NFAT5: variants seen among roughly 807,000 people sequenced by gnomAD.
The protein encoded by NFAT5 is nuclear factor of activated T-cells 5.
A neutral mutation model predicts 166.5 loss-of-function variants in NFAT5; 31 were observed. That is an observed-to-expected ratio of 0.19 (90% confidence interval 0.14 to 0.25). NFAT5 has a LOEUF of 0.25. NFAT5 is among the 10% of genes least tolerant of loss of function. The probability of loss-of-function intolerance (pLI) is 1.00; values close to 1 mark genes in which losing one functional copy is unlikely to be tolerated. For synonymous variants in NFAT5, 612 were observed against 639.7 expected (o/e 0.96, Z 0.65); for missense variants, 1,449 against 1,821.8 (o/e 0.80, Z 3.72).
chr16:69,644,320 T>C (rs1333730470), intron 3 of NFAT5, among the ~76,000 whole-genome samples: 1 of 152,150 alleles, frequency 6.6e-6, no homozygotes, highest in Non-Finnish European at 1.5e-5. Flanking sequence ...TAAAAAAAAT[T>C]ATTTCATTTG....
chr16:69,686,347 G>A (rs955781351), intron 11 of NFAT5, among the ~76,000 whole-genome samples: 1 of 150,792 alleles, frequency 6.6e-6, no homozygotes, highest in Admixed American at 6.6e-5. Context: ...AGCGGGACTC[G>A]GTCTCAAAAA....
chr16:69,690,629 C>A (rs1048495682), intron 11 of NFAT5: 1 of 159,786 alleles, frequency 6.3e-6, no homozygotes, highest in African/African-American at 2.4e-5. Context: ...CTATAATATA[C>A]TCTTGGTCAG....
chr16:69,606,176 C>G (rs1378078833), intron 2 of NFAT5, among the ~76,000 whole-genome samples: 1 of 152,176 alleles, frequency 6.6e-6, no homozygotes, highest in Non-Finnish European at 1.5e-5. Context: ...CTGTTCTCGT[C>G]TTTAACCTCT....
In NFAT5 at chr16:69,702,825, T is replaced by G. The variant is rs1437186865; in HGVS notation, c.*6474T>G. ...AACCTGGTTATCTATAATCTTTTAT[T>G]GGCAAAAGTTAATTCTCAGTACTGC... On this transcript the variant is annotated 3_prime_UTR_variant, in exon 15 of 15. Transcript: ENST00000349945. 6.5e-5 allele frequency: 10 copies of G among 152,672 alleles called. No homozygotes were observed. The highest frequency in any genetic ancestry group is 2.9e-5 in the Non-Finnish European group (2 of 68,036). 9.5% of individuals were successfully genotyped at this position (152,672 alleles called of 1,614,324 possible).
chr16:69,606,761 T>C (rs1483446348), intron 2 of NFAT5, among the ~76,000 whole-genome samples: 1 of 151,920 alleles, frequency 6.6e-6, no homozygotes, highest in Non-Finnish European at 1.5e-5. Flanking sequence ...GGCTGAGGCA[T>C]GAGAATTGCT....
chr16:69,700,815 A>G lies in NFAT5; in HGVS notation c.*4464A>G, dbSNP rs184020877. 1 of 152,276 alleles carries G rather than the reference A, an allele frequency of 6.6e-6. No individual in the cohort carries two copies. The highest frequency in any genetic ancestry group is 1.9e-4 in the East Asian group (1 of 5,186). 9.4% of individuals were successfully genotyped at this position (152,276 alleles called of 1,614,324 possible). A position where few individuals can be genotyped will look rare whatever the true frequency, so the allele number is the denominator to read the frequency against. ...GAATCTCATAACATGTATTAAAAAG[A>G]GGTTTTCTTCTCTGCTTGTTTGTGT... On this transcript the variant is annotated 3_prime_UTR_variant, in exon 15 of 15. Transcript: ENST00000349945.
At chr16:69,577,786 A>G (rs2016842218) in intron 2 of NFAT5, among the ~76,000 whole-genome samples, 1 of 152,202 alleles carries the variant, frequency 6.6e-6, no homozygotes, top group Non-Finnish European at 1.5e-5. Flanking sequence ...ACTTCTATAA[A>G]GGACACGGGT....
rs1201976441 is a variant in NFAT5 at position 69,704,354 on chromosome 16, T to C, written c.*8003T>C. ...ACCATTCTGCCATTTTTAATTTTTA[T>C]TTAATTTTATTTGCTTGAGCACACT... is the stretch of plus-strand genomic sequence containing the variant. On this transcript the variant is annotated 3_prime_UTR_variant, in exon 15 of 15. Transcript: ENST00000349945. 1 of 152,666 alleles carries C rather than the reference T, an allele frequency of 6.6e-6. No homozygotes were observed. The highest frequency in any genetic ancestry group is 1.9e-4 in the East Asian group (1 of 5,208). 9.5% of individuals were successfully genotyped at this position (152,666 alleles called of 1,614,324 possible).
intron 7 of NFAT5, among the ~76,000 whole-genome samples, chr16:69,661,466 C>A (rs1017000402): frequency 2.2e-5 from 3 of 139,388 alleles, no homozygotes; most frequent in Non-Finnish European, 4.5e-5. Flanking sequence ...TCACTTGAGC[C>A]CAGGAGTTTT....
chr16:69,662,203 A>G (rs1447699249), intron 7 of NFAT5, among the ~76,000 whole-genome samples: 1 of 152,214 alleles, frequency 6.6e-6, no homozygotes, highest in Non-Finnish European at 1.5e-5. Context: ...CAGAGATGGT[A>G]GAACTTGTTC....
At chr16:69,625,253 G>A (rs1019305620) in intron 2 of NFAT5, among the ~76,000 whole-genome samples, 8 of 151,812 alleles carry the variant, frequency 5.3e-5, no homozygotes, top group African/African-American at 9.7e-5. Context: ...ACCTTTAGAG[G>A]ATATTTTGGG....
rs534105225 is a variant in NFAT5, at chr16:69,663,471, G to A, written c.1369+3572G>A. ...AATTTTCAGCTAGGTGCAGTGGCAC[G>A]CACCTGTAGTCCCAGCTACTTGGGA... On this transcript the variant is annotated intron_variant, in intron 7 of 14. Transcript: ENST00000349945. 3.9e-4 allele frequency among the ~76,000 whole-genome samples: 59 copies of A among 150,200 alleles called. 1 individual carries two copies. In the South Asian group the frequency reaches 0.012, roughly 31 times the overall value.
chr16:69,597,884 C>T (rs906980382), intron 2 of NFAT5, among the ~76,000 whole-genome samples: 9 of 152,114 alleles, frequency 5.9e-5, no homozygotes, highest in Non-Finnish European at 8.8e-5. Context: ...TGAGCCACCA[C>T]GCCCAGCCGG....
chr16:69,632,596 TA>T (rs537674802), intron 3 of NFAT5: 12 of 152,356 alleles, frequency 7.9e-5, no homozygotes, highest in Admixed American at 1.3e-4. Flanking sequence ...GAATTTATTA[TA>T]ACTTAATTTA....
chr16:69,695,342 C>A lies in NFAT5; in HGVS notation c.4621C>A (p.Gln1541Lys). 1 of 1,614,032 alleles carries A rather than the reference C, an allele frequency of 6.2e-7. No individual in the cohort carries two copies. The highest frequency in any genetic ancestry group is 8.5e-7 in the Non-Finnish European group (1 of 1,179,924). ...KIDLLVSLQN[Q>K]GNNLTGSF ...TGATTTGCTTGTTTCATTGCAAAAC[C>A]AAGGGAACAACTTGACTGGCTCCTT... The change falls in exon 14 of 15, where the codon CAA (glutamine) becomes AAA (lysine). Residue 1541 changes from glutamine to lysine, a missense_variant. Gln to Lys is a moderately conservative substitution (Grantham distance 53). This residue lies in a region of NFAT5 where 891 missense variants were observed against 993.0 expected (regional missense o/e 0.90). Coordinates refer to ENST00000349945, the MANE Select transcript of NFAT5 (RefSeq NM_138713.4).
At chr16:69,611,616 C>T (rs1416216537) in intron 2 of NFAT5, among the ~76,000 whole-genome samples, 1 of 152,214 alleles carries the variant, frequency 6.6e-6, no homozygotes, top group Admixed American at 6.5e-5. Flanking sequence ...TGAGGGTTTG[C>T]TCTCTGCTTT....
Position 69,693,689 on chromosome 16 carries a change from C to T in NFAT5, c.3864C>T (p.Phe1288=). 2 of 1,614,206 alleles carry T rather than the reference C, an allele frequency of 1.2e-6. No homozygotes were observed. Among genetic ancestry groups the T allele is most frequent in the Non-Finnish European group, 1.7e-6 (2 of 1,180,040 alleles). ...QQQQQQQSIL[F]SNQNTMATMA... ...AGCAACAACAACAGAGCATTTTATT[C>T]AGTAATCAGAATACCATGGCTACAA... The change falls in exon 13 of 15, where the codon TTC becomes TTT. Residue 1288 remains phenylalanine, a synonymous_variant. Transcript: ENST00000349945.
At position 69,695,119 on chromosome 16, in the gene NFAT5, T is replaced by G. The variant is rs2037715151; in HGVS notation, c.4415-17T>G. ...CTGTAGTCAGCTTTTAAGCTTCTGT[T>G]TTCAATGTCTCTGCAGACTGTAGTC... On this transcript the variant is annotated splice_polypyrimidine_tract_variant and intron_variant, in intron 13 of 14. Coordinates refer to ENST00000349945, the MANE Select transcript of NFAT5 (RefSeq NM_138713.4). 1 of 1,590,972 alleles carries G rather than the reference T, an allele frequency of 6.3e-7. No individual in the cohort carries two copies. Among genetic ancestry groups the G allele is most frequent in the Non-Finnish European group, 8.6e-7 (1 of 1,159,760 alleles).
intron 3 of NFAT5, among the ~76,000 whole-genome samples, chr16:69,643,446 G>A (rs1456410594): frequency 7.1e-6 from 1 of 140,060 alleles, no homozygotes; most frequent in East Asian, 2.5e-4. Context: ...AGGATATTAA[G>A]GATTTTTTTC....
Sources: allele counts gnomAD v4.1 joint callset (sites outside exome capture counted in the v4.1 genomes callset), GRCh38; gene constraint gnomAD v4.1.1; regional missense constraint gnomAD v4.1.1; transcripts MANE v1.5; gene names NCBI Gene and HGNC (gene_info 2026-07-23, HGNC 2026-07-21).